The following DYNC2H1 variants were observed in gnomAD, a reference collection of about 807,000 sequenced individuals.
DYNC2H1 encodes the protein dynein cytoplasmic 2 heavy chain 1, also known as cytoplasmic dynein 2 heavy chain 1.
In DYNC2H1, 410 loss-of-function variants were observed where a neutral mutation model predicts 570.0. That is an observed-to-expected ratio of 0.72 (90% CI 0.66 to 0.78). The LOEUF is 0.78. Among genes scored for constraint, DYNC2H1 ranks in the 30% least tolerant of loss-of-function variants. The pLI is 0.00. For synonymous variants in DYNC2H1, 1,688 were observed against 1,677.6 expected, an observed-to-expected ratio of 1.01 and a Z score of -0.15; for missense variants, 4,865 against 5,046.4, an observed-to-expected ratio of 0.96 and a Z score of 1.09.
At chr11:103,397,312 A>T (rs989056060) in intron 83 of DYNC2H1, among the ~76,000 whole-genome samples, 10 of 140,568 alleles carry the variant, frequency 7.1e-5, no homozygotes, top group Non-Finnish European at 1.5e-4. Context: ...TTTACTCAAT[A>T]AAAAAAAAAC....
chr11:103,433,894 A>G (rs1054998183), intron 84 of DYNC2H1, among the ~76,000 whole-genome samples: 9 of 152,156 alleles, frequency 5.9e-5, no homozygotes, highest in Non-Finnish European at 1.3e-4. Flanking sequence ...TAGGACAGGC[A>G]TAGGGTAACT....
At chr11:103,475,287 A>G (rs1011248131) in intron 88 of DYNC2H1, among the ~76,000 whole-genome samples, 1 of 152,156 alleles carries the variant, frequency 6.6e-6, no homozygotes, top group African/African-American at 2.4e-5. Context: ...TCTTCCTAAT[A>G]TATCTCCTTT....
Position 103,201,577 on chromosome 11 carries a change from A to AGT in DYNC2H1, c.8197+1424_8197+1425dup, listed in dbSNP as rs1347279958. Among the ~76,000 whole-genome samples, 1 of 152,116 alleles carries AGT rather than the reference A, an allele frequency of 6.6e-6. No individual in the cohort carries two copies. Among genetic ancestry groups the AGT allele is most frequent in the African/African-American group, 2.4e-5 (1 of 41,426 alleles). On this transcript the variant is annotated intron_variant, in intron 50 of 88. Coordinates refer to ENST00000375735, the MANE Select transcript of DYNC2H1 (RefSeq NM_001377.3). The surrounding 1 kb of genome is among the most constrained non-coding windows in gnomAD (Gnocchi z 4.8). ...ATTAAAATCTCTGGGGTATGGTGGG[A>AGT]GTATCATTTGGCTATTGTGACTCCC...
intron 83 of DYNC2H1, among the ~76,000 whole-genome samples, chr11:103,367,318 CTTAAATAATTCTTTATACATAA>C (rs1045033590): frequency 1.3e-5 from 2 of 152,034 alleles, no homozygotes; most frequent in African/African-American, 4.8e-5. Context: ...GAAAGGAAAT[CTTAAATAATTCTTTATACATAA>C]TTATGAAAAG....
chr11:103,445,086 C>A (rs1388872153), intron 85 of DYNC2H1, among the ~76,000 whole-genome samples: 2 of 152,122 alleles, frequency 1.3e-5, no homozygotes, highest in African/African-American at 4.8e-5. Flanking sequence ...TTCTCAAATA[C>A]CGAATGAATA....
At chr11:103,364,481 T>C (rs926061475) in intron 83 of DYNC2H1, among the ~76,000 whole-genome samples, 1 of 152,176 alleles carries the variant, frequency 6.6e-6, no homozygotes, top group African/African-American at 2.4e-5. Context: ...CATCTGATAA[T>C]CTTTCTTTTT....
chr11:103,150,137 A>G (rs1482533468), intron 20 of DYNC2H1, among the ~76,000 whole-genome samples: 1 of 152,216 alleles, frequency 6.6e-6, no homozygotes, highest in African/African-American at 2.4e-5. Context: ...AAGAGAGGCA[A>G]GGGCCAGATT....
rs573032534 is a variant in DYNC2H1, at chr11:103,113,941, C to T, written c.367-162C>T. 5.5e-4 allele frequency among the ~76,000 whole-genome samples: 83 copies of T among 152,158 alleles called. 1 individual carries two copies. The highest frequency in any genetic ancestry group is 6.8e-3 in the Middle Eastern group (2 of 294). On this transcript the variant is annotated intron_variant, in intron 2 of 88. Transcript: ENST00000375735. The stretch of plus-strand genomic sequence containing the variant: ...CAACTCAACATTTCTACATTAAATG[C>T]TTTTCATAGTTTTAACTGTTGAGAG...
At chr11:103,423,408 TAAAAAAAAAAAA>T (rs60223334) in intron 84 of DYNC2H1, among the ~76,000 whole-genome samples, 96 of 120,506 alleles carry the variant, frequency 8.0e-4, no homozygotes, top group Middle Eastern at 4.5e-3. Flanking sequence ...GCCAAAAAAG[TAAAAAAAAAAAA>T]AAAAAAAAAA....
rs1244475471 is a variant in DYNC2H1 at position 103,363,245 on chromosome 11, T to A, written c.12156+4886T>A. On this transcript the variant is annotated intron_variant, in intron 83 of 88. Transcript: ENST00000375735. The surrounding 1 kb of genome is among the most constrained non-coding windows in gnomAD (Gnocchi z 5.6). ...TACTTTAATTATTTTGAAGTAGTTT[T>A]CTCCAAAACTCAGCTTCTCTCATCT... Among the ~76,000 whole-genome samples, 2 of 152,116 alleles carry A rather than the reference T, an allele frequency of 1.3e-5. No individual in the cohort carries two copies. Among genetic ancestry groups the A allele is most frequent in the Non-Finnish European group, 2.9e-5 (2 of 68,014 alleles).
intron 20 of DYNC2H1, among the ~76,000 whole-genome samples, chr11:103,150,998 A>T (rs895172698): frequency 1.3e-5 from 2 of 152,178 alleles, no homozygotes; most frequent in African/African-American, 4.8e-5. Context: ...GCTGGATTTT[A>T]TATAGCAAAG....
chr11:103,227,007 T>C (rs995782437), intron 59 of DYNC2H1, among the ~76,000 whole-genome samples: 5 of 152,164 alleles, frequency 3.3e-5, no homozygotes, highest in African/African-American at 1.2e-4. Context: ...GAATAATCTT[T>C]TGTATTTCTG....
intron 83 of DYNC2H1, among the ~76,000 whole-genome samples, chr11:103,371,132 G>T (rs539194202): frequency 1.3e-5 from 2 of 151,986 alleles, no homozygotes; most frequent in Non-Finnish European, 2.9e-5. Context: ...AAAGAATCAG[G>T]CAGAAATTCT....
chr11:103,141,282 C>G (rs891504829), intron 17 of DYNC2H1, among the ~76,000 whole-genome samples: 5 of 152,318 alleles, frequency 3.3e-5, no homozygotes, highest in Admixed American at 2.6e-4. Context: ...GAGTGGCACT[C>G]TGCTTTTTAG....
intron 47 of DYNC2H1, among the ~76,000 whole-genome samples, chr11:103,193,056 G>A (rs1862380839): frequency 6.6e-6 from 1 of 152,074 alleles, no homozygotes; most frequent in Non-Finnish European, 1.5e-5. Flanking sequence ...ATTTGATATT[G>A]GTCTGAGATC....
rs1347422617 is a variant in DYNC2H1 at position 103,465,419 on chromosome 11, T to G, written c.12649-3170T>G. On this transcript the variant is annotated intron_variant, in intron 87 of 88. Coordinates refer to ENST00000375735, the MANE Select transcript of DYNC2H1 (RefSeq NM_001377.3). This position sits in a 1 kb window ranked among gnomAD's most constrained non-coding sequence, Gnocchi z 4.9. ...ACTTTCCAAAATCAAATTTTAAAAT[T>G]TAATGCAATTTCAACCAGTATCCCA... Among the ~76,000 whole-genome samples, 1 of 151,928 alleles carries G rather than the reference T, an allele frequency of 6.6e-6. No individual in the cohort carries two copies. Among genetic ancestry groups the G allele is most frequent in the East Asian group, 1.9e-4 (1 of 5,178 alleles).
At chr11:103,419,750 C>T (rs2135712398) in intron 84 of DYNC2H1, among the ~76,000 whole-genome samples, 1 of 152,254 alleles carries the variant, frequency 6.6e-6, no homozygotes, top group South Asian at 2.1e-4. Context: ...TGCAACACCT[C>T]TACTGCAAGG....
chr11:103,134,234 T>C, intron 14 of DYNC2H1, 87 bp from the exon 15 acceptor site: 2 of 1,125,736 alleles, frequency 1.8e-6, no homozygotes, highest in Non-Finnish European at 2.7e-6. Flanking sequence ...ATCACTTGGT[T>C]AAGGTGGTAT....
chr11:103,417,453 C>T (rs1255503560), intron 84 of DYNC2H1, among the ~76,000 whole-genome samples: 1 of 152,146 alleles, frequency 6.6e-6, no homozygotes, highest in Non-Finnish European at 1.5e-5. Flanking sequence ...GAAAACCCTT[C>T]ACAAATTTGC....
Sources: gnomAD v4.1 joint callset for allele counts (sites outside exome capture counted in the v4.1 genomes callset) on GRCh38, gnomAD v4.1.1 for gene constraint, Gnocchi (gnomAD v3.1) non-coding constraint, MANE v1.5 for transcripts, NCBI Gene and HGNC (gene_info 2026-07-23, HGNC 2026-07-21) for gene names.